The following CLIC6 variants were observed in gnomAD, a reference collection of about 807,000 sequenced individuals.
CLIC6 encodes chloride intracellular channel protein 6.
A neutral mutation model predicts 49.2 loss-of-function variants in CLIC6; 39 were observed. The observed-to-expected ratio is 0.79, with a 90% confidence interval of 0.61 to 1.04. The LOEUF (loss-of-function observed/expected upper bound fraction) is 1.04, where lower values mean the gene tolerates loss of function less well. CLIC6 is among the 50% of genes least tolerant of loss of function. CLIC6 has a pLI of 0.00. For synonymous variants in CLIC6, 446 were observed against 433.4 expected, an observed-to-expected ratio of 1.03 and a Z score of -0.36; for missense variants, 988 against 993.1, an observed-to-expected ratio of 0.99 and a Z score of 0.07.
intron 1 of CLIC6, among the ~76,000 whole-genome samples, chr21:34,688,266 C>G (rs1601270645): frequency 6.6e-6 from 1 of 152,184 alleles, no homozygotes; most frequent in African/African-American, 2.4e-5. Flanking sequence ...GTGGCCGCCC[C>G]CCACCATTGG....
chr21:34,678,790 A>T (rs16992143), intron 1 of CLIC6, among the ~76,000 whole-genome samples: 2,372 of 152,232 alleles, frequency 0.016, 68 homozygotes, highest in African/African-American at 0.054. Context: ...TTTTTTGGAA[A>T]AGATAATACA....
At chr21:34,681,629 C>A (rs750468142) in intron 1 of CLIC6, among the ~76,000 whole-genome samples, 9 of 152,100 alleles carry the variant, frequency 5.9e-5, no homozygotes, top group Non-Finnish European at 7.4e-5. Flanking sequence ...TTTTTTTTAC[C>A]ACTTGGGCCT....
In CLIC6 at chr21:34,670,288, G is replaced by A. The variant is rs760367294; in HGVS notation, c.900G>A (p.Gly300=). The A allele has an allele frequency of 1.1e-5, 16 of 1,443,852 alleles. No individual in the cohort carries two copies. Among genetic ancestry groups the A allele is most frequent in the Non-Finnish European group, 1.4e-5 (15 of 1,103,278 alleles). The allele number at this position is 1,443,852 out of a possible 1,614,324, so 89.4% of individuals were successfully genotyped here. ...RRVSGEPQQS[G]DGSLSPQAEA... is the part of the protein sequence containing the mutation. ...TCTCGGGTGAGCCGCAGCAATCGGG[G>A]GACGGCAGCCTCTCGCCCCAGGCCG... The change falls in exon 1 of 6, where the codon GGG becomes GGA. Residue 300 remains glycine, a synonymous_variant. Coordinates refer to ENST00000349499, the MANE Select transcript of CLIC6 (RefSeq NM_053277.3).
intron 5 of CLIC6, among the ~76,000 whole-genome samples, chr21:34,716,097 C>A (rs1158145854): frequency 6.6e-6 from 1 of 152,218 alleles, no homozygotes; most frequent in African/African-American, 2.4e-5. Flanking sequence ...GTGGGCAGAA[C>A]TATGTGCAGT....
chr21:34,707,916 A>G lies in CLIC6; in HGVS notation c.1485-28A>G, dbSNP rs374190154. On this transcript the variant is annotated intron_variant, in intron 2 of 5. Coordinates refer to ENST00000349499, the MANE Select transcript of CLIC6 (RefSeq NM_053277.3). ...TGAGTCCAGATTCTCACGGTGGCCC[A>G]TAAACACTGCTGTTTCCTCCCACCT... 1.9e-5 allele frequency: 31 copies of G among 1,613,308 alleles called. No individual in the cohort carries two copies. The African/African-American group carries it at 3.2e-4, about 17-fold the overall frequency.
At chr21:34,692,095 A>G (rs1990005787) in intron 1 of CLIC6, among the ~76,000 whole-genome samples, 1 of 152,254 alleles carries the variant, frequency 6.6e-6, no homozygotes, top group African/African-American at 2.4e-5. Context: ...AGATCTGACA[A>G]GCATGTCTTT....
rs763998020 is a variant in CLIC6 at position 34,716,421 on chromosome 21, C to A, written c.2000C>A (p.Thr667Lys). 1 of 1,613,750 alleles carries A rather than the reference C, an allele frequency of 6.2e-7. No homozygotes were observed. Among genetic ancestry groups the A allele is most frequent in the Admixed American group, 1.7e-5 (1 of 60,012 alleles). ...NAYARDEFTNTCPADQEIEHA... is the reference protein window; with the variant it reads ...NAYARDEFTNKCPADQEIEHA... ...TATGCTAGAGATGAGTTCACAAATA[C>A]GTGTCCAGCTGATCAAGAGATTGAA... Residue 667 changes from threonine (T) to lysine (K), a missense_variant, in exon 6 of 6, where the codon ACG becomes AAG. Transcript: ENST00000349499.
At chr21:34,686,148 A>G (rs1276229973) in intron 1 of CLIC6, among the ~76,000 whole-genome samples, 3 of 152,244 alleles carry the variant, frequency 2.0e-5, no homozygotes, top group Non-Finnish European at 4.4e-5. Flanking sequence ...TCACACCTGT[A>G]ATCCCAGCAC....
Position 34,669,079 on chromosome 21 carries a change from C to T in CLIC6, c.-310C>T, listed in dbSNP as rs994799692. Among the ~76,000 whole-genome samples, 4 of 152,242 alleles carry T rather than the reference C, an allele frequency of 2.6e-5. No homozygotes were observed. The highest frequency in any genetic ancestry group is 9.6e-5 in the African/African-American group (4 of 41,470). On this transcript the variant is annotated 5_prime_UTR_variant, in exon 1 of 6. Transcript: ENST00000349499. ...TCTCCAGCCGTGCACTGCACCTCCG[C>T]GGCCCGCGGGCGAGATTGGGGTCCC...
At chr21:34,704,641 C>T (rs181955070) in intron 1 of CLIC6, among the ~76,000 whole-genome samples, 1 of 152,322 alleles carries the variant, frequency 6.6e-6, no homozygotes, top group Admixed American at 6.5e-5. Context: ...CCAGATGTTC[C>T]ATTCCAGTGG....
chr21:34,676,696 T>C (rs1211897772), intron 1 of CLIC6, among the ~76,000 whole-genome samples: 1 of 152,186 alleles, frequency 6.6e-6, no homozygotes, highest in Non-Finnish European at 1.5e-5. Context: ...AATCACTAAA[T>C]AGTTGTTGAT....
intron 1 of CLIC6, among the ~76,000 whole-genome samples, chr21:34,687,803 C>CTA (rs944845637): frequency 6.6e-6 from 1 of 152,088 alleles, no homozygotes; most frequent in Non-Finnish European, 1.5e-5. Flanking sequence ...GTGTTAAGAT[C>CTA]TAAAATATAT....
chr21:34,701,564 AT>A (rs1423692556), intron 1 of CLIC6, among the ~76,000 whole-genome samples: 2 of 151,982 alleles, frequency 1.3e-5, no homozygotes, highest in African/African-American at 4.8e-5. Context: ...ATGTATCCCT[AT>A]TTTTTTAAAA....
In CLIC6 at chr21:34,670,773, C is replaced by T; in HGVS notation, c.1374+11C>T. On this transcript the variant is annotated intron_variant, in intron 1 of 5. Coordinates refer to ENST00000349499, the MANE Select transcript of CLIC6 (RefSeq NM_053277.3). ...ACCCTCTTCGTCAAGGTAAAGCTCG[C>T]TTCCCTCAATTCTTAGGACGACCCC... 1 of 1,594,536 alleles carries T rather than the reference C, an allele frequency of 6.3e-7. No homozygotes were observed. The highest frequency in any genetic ancestry group is 8.5e-7 in the Non-Finnish European group (1 of 1,176,456).
chr21:34,707,120 G>T (rs2056019639), intron 1 of CLIC6, among the ~76,000 whole-genome samples, 160 bp from the exon 2 acceptor site: 1 of 152,116 alleles, frequency 6.6e-6, no homozygotes, highest in African/African-American at 2.4e-5. Context: ...TACATCCACC[G>T]CCAACTCCAC....
intron 1 of CLIC6, among the ~76,000 whole-genome samples, chr21:34,675,962 T>A (rs1266872620): frequency 6.6e-6 from 1 of 152,228 alleles, no homozygotes; most frequent in Admixed American, 6.5e-5. Flanking sequence ...TTGAAGCTCT[T>A]TCCTGCCATG....
intron 1 of CLIC6, among the ~76,000 whole-genome samples, chr21:34,703,682 G>A (rs1487766739): frequency 6.6e-6 from 1 of 152,180 alleles, no homozygotes; most frequent in Non-Finnish European, 1.5e-5. Context: ...GTGGTGAGGA[G>A]GAACTGGTGA....
chr21:34,674,835 C>T (rs2145796478), intron 1 of CLIC6, among the ~76,000 whole-genome samples: 1 of 152,214 alleles, frequency 6.6e-6, no homozygotes, highest in African/African-American at 2.4e-5. Context: ...TAACAACAGG[C>T]AAAACACTAG....
chr21:34,714,378 C>T (rs2056074236), intron 5 of CLIC6, among the ~76,000 whole-genome samples: 1 of 152,160 alleles, frequency 6.6e-6, no homozygotes, highest in Admixed American at 6.5e-5. Context: ...CAGGAGTTAA[C>T]AGGCAGCATC....
Sources: allele counts gnomAD v4.1 joint callset (sites outside exome capture counted in the v4.1 genomes callset), GRCh38; gene constraint gnomAD v4.1.1; transcripts MANE v1.5; gene names NCBI Gene and HGNC (gene_info 2026-07-23, HGNC 2026-07-21).